SH2D5: variants seen among roughly 807,000 people sequenced by gnomAD.
The protein encoded by SH2D5 is SH2 domain-containing protein 5.
A neutral mutation model predicts 48.2 loss-of-function variants in SH2D5; 45 were observed. That is an observed-to-expected ratio of 0.93 (90% confidence interval 0.73 to 1.20). The LOEUF is 1.20. Among genes scored for constraint, SH2D5 ranks in the 50% most tolerant of loss-of-function variants. The pLI is 0.00. For missense variants in SH2D5, 538 were observed against 584.1 expected, an observed-to-expected ratio of 0.92 and a Z score of 0.81; for synonymous variants, 230 against 249.8, an observed-to-expected ratio of 0.92 and a Z score of 0.75.
intron 4 of SH2D5, among the ~76,000 whole-genome samples, chr1:20,726,618 A>G (rs1395884196): frequency 6.6e-6 from 1 of 152,144 alleles, no homozygotes. Flanking sequence ...ACGAGCCTGC[A>G]GCAGGGCAGG....
Position 20,721,707 on chromosome 1 carries a change from C to A in SH2D5, c.*85G>T. Reference sequence around the variant, plus strand: ...CAGGGTGACTGGATGGAACTGGCAACCAGAGGGGTGCAGGACGGGCAGAGA... The same window carrying A: ...CAGGGTGACTGGATGGAACTGGCAAACAGAGGGGTGCAGGACGGGCAGAGA... On this transcript the variant is annotated 3_prime_UTR_variant, in exon 10 of 10. Transcript: ENST00000444387. 1.5e-6 allele frequency: 2 copies of A among 1,307,142 alleles called. No individual in the cohort carries two copies. The highest frequency in any genetic ancestry group is 2.1e-6 in the Non-Finnish European group (2 of 975,594). The allele number at this position is 1,307,142 out of a possible 1,614,324, so 81.0% of individuals were successfully genotyped here.
chr1:20,727,059 C>A lies in SH2D5; in HGVS notation c.185G>T (p.Arg62Leu). Residue 62 changes from arginine (R) to leucine (L), a missense_variant, in exon 4 of 10, where the codon CGG becomes CTG. Transcript: ENST00000444387. ...LWALKDCPRR[R>L]AVILKFSLQG... ...AAGGCTGAATTTCAGGATGACGGCC[C>A]GGCGTCGGGGACAGTCCTGGGTGGA... 11 of 1,611,782 alleles carry A rather than the reference C, an allele frequency of 6.8e-6. No individual in the cohort carries two copies. The highest frequency in any genetic ancestry group is 9.3e-6 in the Non-Finnish European group (11 of 1,178,926).
In SH2D5 at chr1:20,729,204, G is replaced by A. The variant is rs2054863242; in HGVS notation, c.-42-1118C>T. On this transcript the variant is annotated intron_variant, in intron 1 of 9. Transcript: ENST00000444387. This position sits in a 1 kb window ranked among gnomAD's most constrained non-coding sequence, Gnocchi z 4.2. Reference sequence around the variant, plus strand: ...AATTAATGTGGAATTAACATATCATGGCCCCATGATTCCAAGAAAGAATGG... The same window carrying A: ...AATTAATGTGGAATTAACATATCATAGCCCCATGATTCCAAGAAAGAATGG... Among the ~76,000 whole-genome samples, 1 of 152,184 alleles carries A rather than the reference G, an allele frequency of 6.6e-6. No homozygotes were observed. The highest frequency in any genetic ancestry group is 1.5e-5 in the Non-Finnish European group (1 of 68,042).
Position 20,722,044 on chromosome 1 carries a change from GC to G in SH2D5, c.1069-50del, listed in dbSNP as rs1432436611. On this transcript the variant is annotated intron_variant, in intron 9 of 9. Transcript: ENST00000444387. ...TCCAGTCCCCTTCCCCAGGGCTCAC[GC>G]CAGGCACCAGCCACCCGCTCCCACA... The G allele has an allele frequency of 2.6e-6, 4 of 1,558,952 alleles. No individual in the cohort carries two copies. The African/African-American group carries it at 5.4e-5, about 21-fold the overall frequency.
Position 20,722,843 on chromosome 1 carries a change from G to T in SH2D5, c.981C>A (p.Ser327Arg). 1 of 1,604,420 alleles carries T rather than the reference G, an allele frequency of 6.2e-7. No individual in the cohort carries two copies. The highest frequency in any genetic ancestry group is 8.5e-7 in the Non-Finnish European group (1 of 1,176,076). The change falls in exon 9 of 10, where the codon AGC becomes AGA. Residue 327 changes from serine (S) to arginine (R), a missense_variant. Transcript: ENST00000444387. The stretch of plus-strand genomic sequence containing the variant: ...TGCGCACGGACAGACACCACTGGCC[G>T]CTAGCACCCAGCTCAGGCCACAGCA... ...AFLLWPELGASGQWCLSVRTQ... is the reference protein window; with the variant it reads ...AFLLWPELGARGQWCLSVRTQ...
rs2054845166 is a variant in SH2D5 at position 20,728,311 on chromosome 1, A to C, written c.-42-225T>G. The stretch of plus-strand genomic sequence containing the variant: ...GCTGGGGAGAAAGACATTGAACTAA[A>C]TAGTAAGATAGATCATACGTGAGAT... On this transcript the variant is annotated intron_variant, in intron 1 of 9. Transcript: ENST00000444387. The surrounding 1 kb of genome is among the most constrained non-coding windows in gnomAD (Gnocchi z 4.3). Among the ~76,000 whole-genome samples, 1 of 152,220 alleles carries C rather than the reference A, an allele frequency of 6.6e-6. No homozygotes were observed. The highest frequency in any genetic ancestry group is 2.4e-5 in the African/African-American group (1 of 41,462).
At chr1:20,723,491 T>C (rs2054728809) in intron 8 of SH2D5, 135 bp downstream of exon 8, 1 of 645,356 alleles carries the variant, frequency 1.5e-6, no homozygotes, top group East Asian at 2.7e-5. Context: ...GGTGGTGAAG[T>C]CCCAGGCCTG....
rs1410250068 is a variant in SH2D5 at position 20,728,531 on chromosome 1, A to C, written c.-42-445T>G. ...GGGGCCTGCCCCAGGGGCTGGTTAC[A>C]GGAAGACCTGTAACCAGATTGCACA... On this transcript the variant is annotated intron_variant, in intron 1 of 9. Coordinates refer to ENST00000444387, the MANE Select transcript of SH2D5 (RefSeq NM_001103161.2). This position sits in a 1 kb window ranked among gnomAD's most constrained non-coding sequence, Gnocchi z 4.3. 6.6e-6 allele frequency among the ~76,000 whole-genome samples: 1 copy of C among 152,128 alleles called. No individual in the cohort carries two copies. Among genetic ancestry groups the C allele is most frequent in the East Asian group, 1.9e-4 (1 of 5,180 alleles).
chr1:20,724,698 TG>T (rs1458309937), intron 5 of SH2D5, 63 bp from the exon 6 acceptor site: 1 of 1,458,112 alleles, frequency 6.9e-7, no homozygotes, highest in Non-Finnish European at 9.0e-7. Flanking sequence ...GTGAACTCCC[TG>T]GGCCTCAGCC....
intron 9 of SH2D5, 35 bp from the exon 10 acceptor site, chr1:20,722,030 TC>T: frequency 6.3e-7 from 1 of 1,590,464 alleles, no homozygotes; most frequent in Non-Finnish European, 8.6e-7. Flanking sequence ...CCAGTCCCCT[TC>T]CCCAGGGCTC....
At chr1:20,722,615 C>G (rs1262277841) in intron 9 of SH2D5, 141 bp downstream of exon 9, 4 of 874,996 alleles carry the variant, frequency 4.6e-6, no homozygotes, top group South Asian at 4.4e-5. Flanking sequence ...AGGGGCGAGG[C>G]CAGGGAGAGC....
In SH2D5 at chr1:20,731,131, T is replaced by C. The variant is rs1471580710; in HGVS notation, c.-43+1050A>G. 6 of 152,236 alleles carry C rather than the reference T, an allele frequency of 3.9e-5. No individual in the cohort carries two copies. The East Asian group carries it at 7.7e-4, about 20-fold the overall frequency. The allele number at this position is 152,236 out of a possible 1,614,324, so 9.4% of individuals were successfully genotyped here. A position where few individuals can be genotyped will look rare whatever the true frequency, so the allele number is the denominator to read the frequency against. On this transcript the variant is annotated intron_variant, in intron 1 of 9. Transcript: ENST00000444387. ...TCCCCTCCCACAGATAAGTAGGGTG[T>C]CCACTCTTGGAGTTTGGTGGGGGTC... is the stretch of plus-strand genomic sequence containing the variant.
Position 20,732,145 on chromosome 1 carries a change from C to A in SH2D5, c.-43+36G>T, listed in dbSNP as rs2054922155. 1 of 151,908 alleles carries A rather than the reference C, an allele frequency of 6.6e-6. No homozygotes were observed. The highest frequency in any genetic ancestry group is 1.5e-5 in the Non-Finnish European group (1 of 67,928). The allele number at this position is 151,908 out of a possible 1,614,324, so 9.4% of individuals were successfully genotyped here. On this transcript the variant is annotated intron_variant, in intron 1 of 9. Transcript: ENST00000444387. This position sits in a 1 kb window ranked among gnomAD's most constrained non-coding sequence, Gnocchi z 5.1. ...CACACGTGGCCGCGGGAACCGACCC[C>A]CGGATCACCTGGCGGCGGCGACCCG...
Position 20,723,652 on chromosome 1 carries a change from G to A in SH2D5, c.882C>T (p.Asn294=), listed in dbSNP as rs775039369. The A allele has an allele frequency of 3.1e-6, 5 of 1,612,992 alleles. No individual in the cohort carries two copies. The South Asian group carries it at 4.4e-5, about 14-fold the overall frequency. ...LVESEGSLTE[N]IWAFAGISRP... ...TGGAGATGCCAGCGAAGGCCCAGAT[G>A]TTCTCCGTCAGGCTGCCCTCGCTCT... Residue 294 remains asparagine (N), a synonymous_variant, in exon 8 of 10, where the codon AAC becomes AAT. Transcript: ENST00000444387.
At chr1:20,722,948 G>C (rs1404118940) in intron 8 of SH2D5, 33 bp from the exon 9 acceptor site, 1 of 1,506,222 alleles carries the variant, frequency 6.6e-7, no homozygotes, top group Non-Finnish European at 8.9e-7. Flanking sequence ...GTAAAGGCTG[G>C]ACTGCTCTCC....
chr1:20,725,687 C>CT (rs1017556450), intron 5 of SH2D5, among the ~76,000 whole-genome samples: 6 of 152,236 alleles, frequency 3.9e-5, no homozygotes, highest in African/African-American at 1.4e-4. Context: ...ACTCTCCACT[C>CT]TCTAAGCGCG....
Position 20,721,670 on chromosome 1 carries a change from C to T in SH2D5, c.*122G>A. ...CCACGGACAGTGACGCGATGGAAGACTGCTCCAAGGGCAGGGTGACTGGAT... is the reference window on the plus strand; with the variant it reads ...CCACGGACAGTGACGCGATGGAAGATTGCTCCAAGGGCAGGGTGACTGGAT... On this transcript the variant is annotated 3_prime_UTR_variant, in exon 10 of 10. Coordinates refer to ENST00000444387, the MANE Select transcript of SH2D5 (RefSeq NM_001103161.2). 2.1e-6 allele frequency: 2 copies of T among 945,272 alleles called. No individual in the cohort carries two copies. The highest frequency in any genetic ancestry group is 4.0e-5 in the South Asian group (2 of 50,606). 58.6% of individuals were successfully genotyped at this position (945,272 alleles called of 1,614,324 possible).
In SH2D5 at chr1:20,725,451, A is replaced by T. The variant is rs113105422; in HGVS notation, c.390+469T>A. Among the ~76,000 whole-genome samples the T allele has an allele frequency of 4.0e-3, 610 of 152,222 alleles. 5 individuals are homozygous for T. The highest frequency in any genetic ancestry group is 0.014 in the African/African-American group (592 of 41,526). On this transcript the variant is annotated intron_variant, in intron 5 of 9. Coordinates refer to ENST00000444387, the MANE Select transcript of SH2D5 (RefSeq NM_001103161.2). ...GCTCTGGGCCAAGCACTCTCTCAAG[A>T]CCTGGACCCAGACTCGGCTCTCAAA...
chr1:20,727,825 C>T (rs948461214), intron 2 of SH2D5, 133 bp downstream of exon 2: 1 of 899,276 alleles, frequency 1.1e-6, no homozygotes, highest in Non-Finnish European at 1.8e-6. Context: ...GGGGCACACA[C>T]ACACTCCCCA....
Sources: allele counts gnomAD v4.1 joint callset (sites outside exome capture counted in the v4.1 genomes callset), GRCh38; gene constraint gnomAD v4.1.1; non-coding constraint Gnocchi (gnomAD v3.1); transcripts MANE v1.5; gene names NCBI Gene and HGNC (gene_info 2026-07-23, HGNC 2026-07-21).